Variants in ALCAM observed in about 807,000 individuals in gnomAD.
The protein encoded by ALCAM is activated leukocyte cell adhesion molecule, also known as CD166 antigen.
Under a neutral mutation model 70.9 loss-of-function variants are expected in ALCAM, and 30 were observed. The ratio of observed to expected loss-of-function variants is 0.42; its 90% confidence interval spans 0.32 to 0.57. The LOEUF (loss-of-function observed/expected upper bound fraction) is 0.57. ALCAM is among the 20% of genes least tolerant of loss of function. ALCAM has a pLI of 0.11. For missense variants in ALCAM, 591 were observed against 695.1 expected, an observed-to-expected ratio of 0.85 and a Z score of 1.68; for synonymous variants, 249 against 242.5, an observed-to-expected ratio of 1.03 and a Z score of -0.25.
At position 105,550,203 on chromosome 3, in the gene ALCAM, C is replaced by T. The variant is rs532030102; in HGVS notation, c.1451C>T (p.Thr484Ile). ...TCCCCTGAAGAGAATGTTACATTAA[C>T]TTGCACAGCAGAAAACCAACTGGAG... ...IISPEENVTLTCTAENQLERT... is the reference protein window; with the variant it reads ...IISPEENVTLICTAENQLERT... The change falls in exon 12 of 16, where the codon ACT becomes ATT. Residue 484 changes from threonine (T) to isoleucine (I), a missense_variant. Physicochemically the swap from Thr to Ile is moderately conservative, Grantham distance 89. This residue lies in a region of ALCAM where 164 missense variants were observed against 244.7 expected (regional missense o/e 0.67). Transcript: ENST00000306107. 1.9e-6 allele frequency: 3 copies of T among 1,607,812 alleles called. No homozygotes were observed. In the South Asian group the frequency reaches 3.3e-5, roughly 18 times the overall value.
intron 1 of ALCAM, among the ~76,000 whole-genome samples, chr3:105,510,375 A>G (rs894910401): frequency 6.6e-6 from 1 of 152,052 alleles, no homozygotes; most frequent in Non-Finnish European, 1.5e-5. Flanking sequence ...ATTAGCTGGG[A>G]ACAGCTGGTA....
intron 1 of ALCAM, among the ~76,000 whole-genome samples, chr3:105,488,585 T>C (rs767173674): frequency 4.1e-5 from 6 of 147,154 alleles, no homozygotes; most frequent in Non-Finnish European, 7.4e-5. Flanking sequence ...AGTGAATTCA[T>C]GAATTTCAAC....
intron 11 of ALCAM, among the ~76,000 whole-genome samples, chr3:105,548,394 C>T (rs540631290): frequency 5.9e-5 from 9 of 151,416 alleles, no homozygotes; most frequent in Admixed American, 4.0e-4. Flanking sequence ...CCCAGAGGTA[C>T]CACTGGATTA....
At position 105,374,820 on chromosome 3, in the gene ALCAM, A is replaced by G. The variant is rs562601181; in HGVS notation, c.73+7339A>G. Among the ~76,000 whole-genome samples the G allele has an allele frequency of 5.3e-5, 8 of 152,258 alleles. No homozygotes were observed. The East Asian group carries it at 5.8e-4, about 11-fold the overall frequency. On this transcript the variant is annotated intron_variant, in intron 1 of 15. Transcript: ENST00000306107. ...GGCATGAGCCACTGCACCGAGCCCA[A>G]TGTGACTTCTTATATAGCCAGTTTA... is the stretch of plus-strand genomic sequence containing the variant.
chr3:105,524,798 T>C (rs989556347), intron 3 of ALCAM: 2 of 1,132,866 alleles, frequency 1.8e-6, no homozygotes, highest in Non-Finnish European at 2.2e-6. Context: ...TAGCAGGTGA[T>C]CTTAATTTTT....
chr3:105,573,610 T>G (rs1170996578), intron 15 of ALCAM, among the ~76,000 whole-genome samples: 1 of 152,218 alleles, frequency 6.6e-6, no homozygotes, highest in Non-Finnish European at 1.5e-5. Context: ...AGAGGTATGT[T>G]TCCATGGCAT....
At chr3:105,507,848 T>G (rs575997195) in intron 1 of ALCAM, among the ~76,000 whole-genome samples, 1 of 152,164 alleles carries the variant, frequency 6.6e-6, no homozygotes, top group Non-Finnish European at 1.5e-5. Flanking sequence ...AATCTCAACC[T>G]TGCCATTTTA....
intron 1 of ALCAM, among the ~76,000 whole-genome samples, chr3:105,450,842 T>A (rs1053300626): frequency 1.3e-5 from 2 of 151,892 alleles, no homozygotes; most frequent in Non-Finnish European, 2.9e-5. Context: ...TTTAGAAGGG[T>A]GGGAGATCAG....
At chr3:105,509,039 G>T (rs536877218) in intron 1 of ALCAM, among the ~76,000 whole-genome samples, 4 of 152,162 alleles carry the variant, frequency 2.6e-5, no homozygotes, top group African/African-American at 7.2e-5. Flanking sequence ...GTCACAAATG[G>T]CAGGGTCTCC....
At chr3:105,515,296 C>T (rs903800422) in intron 1 of ALCAM, among the ~76,000 whole-genome samples, 1 of 151,978 alleles carries the variant, frequency 6.6e-6, no homozygotes, top group South Asian at 2.1e-4. Context: ...GAATCCACTT[C>T]CTGAAGTCAG....
chr3:105,421,380 C>T (rs907618937), intron 1 of ALCAM, among the ~76,000 whole-genome samples: 8 of 151,286 alleles, frequency 5.3e-5, no homozygotes, highest in South Asian at 4.2e-4. Flanking sequence ...TTGTGATGAA[C>T]GTAACACTGA....
intron 1 of ALCAM, among the ~76,000 whole-genome samples, chr3:105,469,137 G>T (rs1446448228): frequency 1.4e-5 from 2 of 147,318 alleles, no homozygotes; most frequent in Admixed American, 1.4e-4. Context: ...AGAGACTTTG[G>T]ATTCTGTTAT....
intron 1 of ALCAM, among the ~76,000 whole-genome samples, chr3:105,468,568 T>C (rs1326067114): frequency 6.6e-6 from 1 of 151,294 alleles, no homozygotes; most frequent in East Asian, 1.9e-4. Context: ...ATGAAGAAGA[T>C]GGTGGTTTCA....
chr3:105,571,171 T>C (rs531471037), intron 14 of ALCAM, among the ~76,000 whole-genome samples: 21 of 152,276 alleles, frequency 1.4e-4, no homozygotes, highest in African/African-American at 3.8e-4. Context: ...TTAGCAGAGA[T>C]CGCAGGTCCC....
chr3:105,504,839 C>T (rs557294587), intron 1 of ALCAM, among the ~76,000 whole-genome samples: 50 of 152,336 alleles, frequency 3.3e-4, no homozygotes, highest in Admixed American at 5.2e-4. Context: ...GGGTGGAGCC[C>T]TAGCCAGGGA....
chr3:105,515,415 G>C (rs10446293), intron 1 of ALCAM, among the ~76,000 whole-genome samples: 46,463 of 151,842 alleles, frequency 0.31, 7,257 homozygotes, highest in Admixed American at 0.37. Flanking sequence ...CTTGTGTTCA[G>C]TGATTATTTA....
chr3:105,402,366 G>A (rs1472162243), intron 1 of ALCAM, among the ~76,000 whole-genome samples: 2 of 152,090 alleles, frequency 1.3e-5, no homozygotes, highest in Admixed American at 6.6e-5. Flanking sequence ...GAACATACCA[G>A]GAAAGCAGAG....
At chr3:105,492,908 A>G (rs1409200861) in intron 1 of ALCAM, among the ~76,000 whole-genome samples, 1 of 152,234 alleles carries the variant, frequency 6.6e-6, no homozygotes, top group Non-Finnish European at 1.5e-5. Flanking sequence ...AGCCATTATA[A>G]GCATTCTACC....
chr3:105,388,899 T>C (rs77338283), intron 1 of ALCAM, among the ~76,000 whole-genome samples: 1,876 of 151,660 alleles, frequency 0.012, 25 homozygotes, highest in African/African-American at 0.027. Context: ...TGTTAAGGCT[T>C]TCATGAAAGA....
Sources: allele counts gnomAD v4.1 joint callset (sites outside exome capture counted in the v4.1 genomes callset), GRCh38; gene constraint gnomAD v4.1.1; regional missense constraint gnomAD v4.1.1; transcripts MANE v1.5; gene names NCBI Gene and HGNC (gene_info 2026-07-23, HGNC 2026-07-21).